GPC6: variants seen among roughly 807,000 people sequenced by gnomAD.
GPC6 encodes glypican-6.
GPC6 carries 14 observed loss-of-function variants against 55.2 expected under a neutral mutation model. The observed-to-expected ratio is 0.25, with a 90% CI of 0.17 to 0.40. The LOEUF is 0.40. GPC6 is among the 10% of genes least tolerant of loss of function. The probability of loss-of-function intolerance (pLI) is 1.00; values close to 1 mark genes in which losing one functional copy is unlikely to be tolerated. For missense variants in GPC6, 641 were observed against 708.5 expected (o/e 0.90, Z 1.08); for synonymous variants, 278 against 259.6 (o/e 1.07, Z -0.68).
At chr13:93,736,167 A>ACAGT (rs976444005) in intron 2 of GPC6, among the ~76,000 whole-genome samples, 2 of 152,230 alleles carry the variant, frequency 1.3e-5, no homozygotes, top group African/African-American at 4.8e-5. Context: ...AGGGGCCCAG[A>ACAGT]CAGTCACATG....
chr13:93,656,252 C>A (rs1274530864), intron 2 of GPC6, among the ~76,000 whole-genome samples: 1 of 152,004 alleles, frequency 6.6e-6, no homozygotes, highest in Non-Finnish European at 1.5e-5. Flanking sequence ...GCAAGTAAAT[C>A]AAGACAAGAA....
chr13:93,239,430 T>C (rs1594046613), intron 1 of GPC6, among the ~76,000 whole-genome samples: 1 of 151,720 alleles, frequency 6.6e-6, no homozygotes, highest in Admixed American at 6.6e-5. Context: ...ACCACAGAAA[T>C]ACAAAAGATC....
At chr13:93,489,810 T>C (rs1033881909) in intron 1 of GPC6, among the ~76,000 whole-genome samples, 1 of 151,618 alleles carries the variant, frequency 6.6e-6, no homozygotes, top group Non-Finnish European at 1.5e-5. Context: ...TTTTTGCACA[T>C]TGATTTTGTA....
chr13:93,900,821 A>G (rs1876306331), intron 3 of GPC6, among the ~76,000 whole-genome samples: 2 of 152,200 alleles, frequency 1.3e-5, no homozygotes, highest in African/African-American at 4.8e-5. Flanking sequence ...AAAAATTTTA[A>G]AAATTCACTG....
chr13:93,990,060 A>T (rs1435599499), intron 3 of GPC6, among the ~76,000 whole-genome samples: 3 of 151,780 alleles, frequency 2.0e-5, no homozygotes, highest in African/African-American at 7.3e-5. Context: ...TATCATGGAA[A>T]TGTACATTTT....
At chr13:93,276,909 A>G (rs957997590) in intron 1 of GPC6, among the ~76,000 whole-genome samples, 4 of 151,976 alleles carry the variant, frequency 2.6e-5, no homozygotes, top group African/African-American at 9.7e-5. Context: ...AAGAATTTCT[A>G]TTTTCTGTCC....
intron 3 of GPC6, among the ~76,000 whole-genome samples, chr13:93,877,948 C>CTGGT (rs1874695486): frequency 6.6e-6 from 1 of 151,936 alleles, no homozygotes; most frequent in South Asian, 2.1e-4. Flanking sequence ...GAGGGTGGAG[C>CTGGT]TGGTGTCAGA....
intron 3 of GPC6, among the ~76,000 whole-genome samples, chr13:93,936,492 T>G (rs150763998): frequency 2.3e-4 from 35 of 152,250 alleles, no homozygotes; most frequent in African/African-American, 7.9e-4. Context: ...CTAAATAAAC[T>G]CCATGTTAGA....
intron 3 of GPC6, among the ~76,000 whole-genome samples, chr13:93,889,592 G>A (rs1875546410): frequency 6.6e-6 from 1 of 152,120 alleles, no homozygotes; most frequent in Non-Finnish European, 1.5e-5. Flanking sequence ...AGATTACACT[G>A]TTACAGGTGT....
At chr13:93,682,427 C>T (rs1479521836) in intron 2 of GPC6, among the ~76,000 whole-genome samples, 2 of 152,122 alleles carry the variant, frequency 1.3e-5, no homozygotes, top group Non-Finnish European at 2.9e-5. Flanking sequence ...CTGGACATAG[C>T]TGCCCTGAAG....
At chr13:93,675,401 T>C (rs1289360771) in intron 2 of GPC6, among the ~76,000 whole-genome samples, 3 of 152,050 alleles carry the variant, frequency 2.0e-5, no homozygotes, top group Non-Finnish European at 4.4e-5. Context: ...GGCACAAATA[T>C]ATATTTATAC....
intron 1 of GPC6, among the ~76,000 whole-genome samples, chr13:93,239,199 C>CTA: frequency 6.6e-6 from 1 of 151,952 alleles, no homozygotes; most frequent in Non-Finnish European, 1.5e-5. Flanking sequence ...CAGCATGAAC[C>CTA]TAGCTGGTCC....
chr13:94,208,686 A>C (rs1337671509), intron 4 of GPC6, among the ~76,000 whole-genome samples: 1 of 140,418 alleles, frequency 7.1e-6, no homozygotes, highest in Non-Finnish European at 1.5e-5. Flanking sequence ...TGATGGTGGG[A>C]GGCCAAGGCA....
At chr13:94,207,708 A>G (rs534363168) in intron 4 of GPC6, among the ~76,000 whole-genome samples, 26 of 152,260 alleles carry the variant, frequency 1.7e-4, no homozygotes, top group Admixed American at 8.5e-4. Flanking sequence ...GGGAATATAC[A>G]TGATTGTGGG....
At chr13:93,920,029 C>G (rs959284208) in intron 3 of GPC6, among the ~76,000 whole-genome samples, 7 of 152,136 alleles carry the variant, frequency 4.6e-5, no homozygotes, top group South Asian at 2.1e-4. Context: ...TCCAGCCTCT[C>G]CCATAATAAT....
At chr13:93,482,688 C>G (rs1225906834) in intron 1 of GPC6, among the ~76,000 whole-genome samples, 2 of 152,046 alleles carry the variant, frequency 1.3e-5, no homozygotes, top group Non-Finnish European at 2.9e-5. Context: ...AACAAAAGCA[C>G]CAGGTGGCAT....
At chr13:94,207,549 C>T (rs975497088) in intron 4 of GPC6, among the ~76,000 whole-genome samples, 4 of 152,166 alleles carry the variant, frequency 2.6e-5, no homozygotes, top group South Asian at 4.1e-4. Flanking sequence ...TGGCATTTGG[C>T]TTGCTCACAA....
chr13:93,346,932 G>A (rs1443368185), intron 1 of GPC6, among the ~76,000 whole-genome samples: 1 of 151,824 alleles, frequency 6.6e-6, no homozygotes, highest in Non-Finnish European at 1.5e-5. Context: ...TATCATCTTT[G>A]TTAATACTTT....
chr13:94,006,313 G>A (rs978089861), intron 3 of GPC6, among the ~76,000 whole-genome samples: 9 of 152,160 alleles, frequency 5.9e-5, no homozygotes, highest in African/African-American at 2.2e-4. Context: ...TGTCGATATT[G>A]GGTGATGTAT....
Sources: allele counts gnomAD v4.1 joint callset (sites outside exome capture counted in the v4.1 genomes callset), GRCh38; gene constraint gnomAD v4.1.1; transcripts MANE v1.5; gene names NCBI Gene and HGNC (gene_info 2026-07-23, HGNC 2026-07-21).